EHMT1: variants seen among roughly 807,000 people sequenced by gnomAD.
EHMT1 encodes histone-lysine N-methyltransferase EHMT1.
In EHMT1, 15 loss-of-function variants were observed where a neutral mutation model predicts 147.2. The ratio of observed to expected loss-of-function variants is 0.10; its 90% CI spans 0.07 to 0.16. The LOEUF is 0.16. Among genes scored for constraint, EHMT1 ranks in the 10% least tolerant of loss-of-function variants. EHMT1 has a pLI of 1.00. For synonymous variants in EHMT1, 795 were observed against 709.6 expected, an observed-to-expected ratio of 1.12 and a Z score of -1.91; for missense variants, 1,587 against 1,772.4, an observed-to-expected ratio of 0.90 and a Z score of 1.88.
chr9:137,671,529 T>C (rs1012418119), intron 1 of EHMT1, among the ~76,000 whole-genome samples: 62 of 148,404 alleles, frequency 4.2e-4, no homozygotes, highest in Non-Finnish European at 7.9e-4. Context: ...TCTTTTTTTT[T>C]TTTTTTTTTT....
chr9:137,831,949 GC>G, intron 25 of EHMT1, among the ~76,000 whole-genome samples: 1 of 149,966 alleles, frequency 6.7e-6, no homozygotes, highest in Non-Finnish European at 1.5e-5. Context: ...CTCCTACGTG[GC>G]TGCTGCACTT....
chr9:137,709,412 C>A (rs143476930), intron 1 of EHMT1, among the ~76,000 whole-genome samples: 2 of 152,168 alleles, frequency 1.3e-5, no homozygotes, highest in South Asian at 4.1e-4. Context: ...CCTGCCTTAC[C>A]GTGGTGGGGT....
chr9:137,624,158 G>T (rs889592186), intron 1 of EHMT1, among the ~76,000 whole-genome samples: 1 of 151,566 alleles, frequency 6.6e-6, no homozygotes, highest in Admixed American at 6.6e-5. Context: ...GTACCATCAC[G>T]CCCAGATAAT....
chr9:137,620,708 A>G (rs1281373171), intron 1 of EHMT1, among the ~76,000 whole-genome samples: 18 of 152,142 alleles, frequency 1.2e-4, no homozygotes, highest in Admixed American at 1.2e-3. Flanking sequence ...TTTCCTGTTT[A>G]GCTGAGGAGG....
chr9:137,771,186 A>T (rs1368540458), intron 10 of EHMT1, among the ~76,000 whole-genome samples: 2 of 138,982 alleles, frequency 1.4e-5, no homozygotes, highest in African/African-American at 2.7e-5. Context: ...AGCTGCCTCC[A>T]TCTTCCATGT....
At chr9:137,818,466 A>G (rs117006193) in intron 25 of EHMT1, among the ~76,000 whole-genome samples, 1,474 of 119,170 alleles carry the variant, frequency 0.012, 11 homozygotes, top group Non-Finnish European at 0.019. Context: ...CTGAGACTGC[A>G]CAGAGGTGAA....
Position 137,721,495 on chromosome 9 carries a change from T to C in EHMT1, c.642+4313T>C, listed in dbSNP as rs566504750. 1.0e-3 allele frequency among the ~76,000 whole-genome samples: 33 copies of C among 32,060 alleles called. 1 individual carries two copies. The highest frequency in any genetic ancestry group is 2.1e-3 in the South Asian group (1 of 482). 21.0% of individuals were successfully genotyped at this position (32,060 alleles called of 152,430 possible). A position where few individuals can be genotyped will look rare whatever the true frequency, so the allele number is the denominator to read the frequency against. ...CTCACCCTCTCCCACGCCTCTCACC[T>C]TCTCACACGCCTCTCACCCTCTCCC... On this transcript the variant is annotated intron_variant, in intron 3 of 26. Transcript: ENST00000460843.
intron 1 of EHMT1, among the ~76,000 whole-genome samples, chr9:137,622,072 G>A (rs1266531530): frequency 6.7e-6 from 1 of 150,226 alleles, no homozygotes; most frequent in African/African-American, 2.5e-5. Context: ...CCATTAACTC[G>A]TCATTTAGCA....
At chr9:137,641,067 C>G in intron 1 of EHMT1, 1 of 246,270 alleles carries the variant, frequency 4.1e-6, no homozygotes, top group South Asian at 5.0e-5. Context: ...TCATCTTCGT[C>G]TTCTCCTTCT....
intron 1 of EHMT1, chr9:137,619,966 CTGTCT>C (rs1842853489): frequency 6.6e-6 from 1 of 152,142 alleles, no homozygotes; most frequent in Non-Finnish European, 1.5e-5. Flanking sequence ...TTGAAATTAA[CTGTCT>C]AGTAACAGTT....
chr9:137,710,567 G>A (rs1426084256), intron 1 of EHMT1, among the ~76,000 whole-genome samples: 2 of 102,778 alleles, frequency 1.9e-5, no homozygotes, highest in Non-Finnish European at 4.0e-5. Context: ...GAATTTTCTT[G>A]ATTTATCTAT....
chr9:137,773,825 G>A (rs1045194728), intron 10 of EHMT1, among the ~76,000 whole-genome samples: 1 of 152,156 alleles, frequency 6.6e-6, no homozygotes, highest in Non-Finnish European at 1.5e-5. Context: ...GGCATTTGTA[G>A]TTCTTCTTTA....
At position 137,763,173 on chromosome 9, in the gene EHMT1, C is replaced by CTGTCCAGAAG. The variant is rs1318330303; in HGVS notation, c.1647+355_1647+356insTCCAGAAGTG. ...TAGTCACACCAAGGTGAGTCCAGAA[C>CTGTCCAGAAG]TGCCCAGAACTGTGGTTTCCTGCAG... is the stretch of plus-strand genomic sequence containing the variant. On this transcript the variant is annotated intron_variant, in intron 10 of 26. Transcript: ENST00000460843. 8.4e-5 allele frequency: 40 copies of CTGTCCAGAAG among 474,090 alleles called. 1 individual carries two copies. Among genetic ancestry groups the CTGTCCAGAAG allele is most frequent in the Non-Finnish European group, 3.4e-5 (9 of 261,564 alleles). The allele number at this position is 474,090 out of a possible 1,614,324, so 29.4% of individuals were successfully genotyped here.
intron 10 of EHMT1, chr9:137,764,865 G>A (rs1950111830): frequency 6.6e-6 from 1 of 152,076 alleles, no homozygotes; most frequent in South Asian, 2.1e-4. Flanking sequence ...AAAAGAATCT[G>A]GATTCCAGAT....
intron 7 of EHMT1, among the ~76,000 whole-genome samples, chr9:137,753,299 G>A (rs1774371755): frequency 6.6e-6 from 1 of 152,200 alleles, no homozygotes; most frequent in Non-Finnish European, 1.5e-5. Flanking sequence ...GGACACGGGG[G>A]CCGTGGTGTT....
chr9:137,728,660 C>G, intron 4 of EHMT1, 131 bp downstream of exon 4: 3 of 1,253,724 alleles, frequency 2.4e-6, no homozygotes, highest in Non-Finnish European at 3.4e-6. Context: ...CGTCAGCTGG[C>G]CCTCCTGTGC....
chr9:137,717,736 G>T (rs1414874415), intron 3 of EHMT1, among the ~76,000 whole-genome samples: 1 of 152,056 alleles, frequency 6.6e-6, no homozygotes, highest in Non-Finnish European at 1.5e-5. Context: ...GCTCTCTGTA[G>T]AAACGTGTCA....
At chr9:137,714,101 C>A (rs1211184635) in intron 2 of EHMT1, among the ~76,000 whole-genome samples, 1 of 152,140 alleles carries the variant, frequency 6.6e-6, no homozygotes, top group African/African-American at 2.4e-5. Context: ...CATTTGGTTT[C>A]TTCCATTCCA....
intron 10 of EHMT1, among the ~76,000 whole-genome samples, chr9:137,770,684 G>T (rs1455153320): frequency 6.6e-6 from 1 of 152,172 alleles, no homozygotes; most frequent in East Asian, 1.9e-4. Flanking sequence ...CAGCTACCTT[G>T]TTCAGCAAGA....
Sources: allele counts gnomAD v4.1 joint callset (sites outside exome capture counted in the v4.1 genomes callset), GRCh38; gene constraint gnomAD v4.1.1; transcripts MANE v1.5; gene names NCBI Gene and HGNC (gene_info 2026-07-23, HGNC 2026-07-21).